The following FAM227B variants were observed in gnomAD, a reference collection of about 807,000 sequenced individuals.
The protein encoded by FAM227B is protein FAM227B.
In FAM227B, 88 loss-of-function variants were observed where a neutral mutation model predicts 73.8. That is an observed-to-expected ratio of 1.19 (90% CI 1.00 to 1.42). The LOEUF is 1.42. FAM227B is among the 40% of genes most tolerant of loss of function. The probability of loss-of-function intolerance (pLI) is 0.00; values close to 1 mark genes in which losing one functional copy is unlikely to be tolerated. For synonymous variants in FAM227B, 210 were observed against 190.5 expected (o/e 1.10, Z -0.84); for missense variants, 632 against 590.9 (o/e 1.07, Z -0.72).
intron 3 of FAM227B, among the ~76,000 whole-genome samples, chr15:49,605,297 C>T (rs1004368370): frequency 1.1e-4 from 16 of 152,136 alleles, no homozygotes; most frequent in African/African-American, 3.9e-4. Flanking sequence ...TTACCTGAGC[C>T]CACAGTGGCT....
rs1418316060 is a variant in FAM227B at position 49,586,675 on chromosome 15, TTAA to T, written c.405+1338_405+1340del. On this transcript the variant is annotated intron_variant, in intron 5 of 15. Coordinates refer to ENST00000299338, the MANE Select transcript of FAM227B (RefSeq NM_152647.3). Reference sequence around the variant, plus strand: ...GTCTAATATCCAACTCACACGGAACTTAATAAGAAAAAAGCACATAACCCCATT... The same window carrying T: ...GTCTAATATCCAACTCACACGGAACTTAAGAAAAAAGCACATAACCCCATT... Among the ~76,000 whole-genome samples, 5 of 151,654 alleles carry T rather than the reference TTAA, an allele frequency of 3.3e-5. No individual in the cohort carries two copies. In the East Asian group the frequency reaches 5.8e-4, roughly 18 times the overall value.
intron 11 of FAM227B, among the ~76,000 whole-genome samples, chr15:49,494,256 A>ACACACACACAC (rs1467706350): frequency 1.0e-4 from 14 of 140,606 alleles, no homozygotes; most frequent in African/African-American, 3.3e-4. Context: ...GAGACACACA[A>ACACACACACAC]ACACACACAC....
At chr15:49,354,352 G>A (rs1234795264) in intron 13 of FAM227B, among the ~76,000 whole-genome samples, 1 of 152,182 alleles carries the variant, frequency 6.6e-6, no homozygotes, top group East Asian at 1.9e-4. Context: ...ATCTCACTAG[G>A]GAGTGCCAGA....
chr15:49,458,301 T>C (rs2053499910), intron 11 of FAM227B, among the ~76,000 whole-genome samples: 1 of 152,002 alleles, frequency 6.6e-6, no homozygotes, highest in African/African-American at 2.4e-5. Context: ...ACGTGCCAAA[T>C]AGTACATTTA....
intron 8 of FAM227B, among the ~76,000 whole-genome samples, chr15:49,574,197 C>T (rs2075301514): frequency 6.6e-6 from 1 of 151,852 alleles, no homozygotes; most frequent in Non-Finnish European, 1.5e-5. Context: ...TTTTTTTAAA[C>T]ATTAAGGGTA....
chr15:49,609,938 T>C (rs1408233358), intron 3 of FAM227B, among the ~76,000 whole-genome samples: 3 of 151,936 alleles, frequency 2.0e-5, no homozygotes, highest in South Asian at 4.1e-4. Context: ...GCTATAAATA[T>C]AGCCTTTGAA....
intron 9 of FAM227B, among the ~76,000 whole-genome samples, chr15:49,557,099 T>A (rs889806475): frequency 6.6e-6 from 1 of 152,134 alleles, no homozygotes; most frequent in African/African-American, 2.4e-5. Flanking sequence ...TCTCCCTCCA[T>A]CCACTCTCAG....
At chr15:49,511,869 G>A (rs2059023616) in intron 10 of FAM227B, among the ~76,000 whole-genome samples, 1 of 152,076 alleles carries the variant, frequency 6.6e-6, no homozygotes, top group African/African-American at 2.4e-5. Context: ...GGGCATTTGG[G>A]TTGATTCTAT....
chr15:49,537,185 G>A (rs1363466905), intron 10 of FAM227B, among the ~76,000 whole-genome samples: 1 of 151,992 alleles, frequency 6.6e-6, no homozygotes, highest in African/African-American at 2.4e-5. Context: ...TCTATTAATT[G>A]TAATATCTAT....
chr15:49,501,250 G>A (rs1028117356), intron 11 of FAM227B, among the ~76,000 whole-genome samples: 2 of 152,206 alleles, frequency 1.3e-5, no homozygotes, highest in Non-Finnish European at 2.9e-5. Context: ...GAAGATGAGG[G>A]AAAGTTCAGA....
At chr15:49,348,797 T>C (rs988875439) in intron 13 of FAM227B, among the ~76,000 whole-genome samples, 1 of 152,240 alleles carries the variant, frequency 6.6e-6, no homozygotes, top group Non-Finnish European at 1.5e-5. Context: ...ACAATATTTA[T>C]AGCAAGAAGG....
chr15:49,535,043 A>T (rs1159781693), intron 10 of FAM227B, among the ~76,000 whole-genome samples: 1 of 151,812 alleles, frequency 6.6e-6, no homozygotes, highest in Non-Finnish European at 1.5e-5. Flanking sequence ...TAATAAGAGC[A>T]AATTAAAATC....
At chr15:49,590,127 T>G (rs918610183) in intron 3 of FAM227B, 120 bp from the exon 4 acceptor site, 15 of 602,340 alleles carry the variant, frequency 2.5e-5, no homozygotes, top group Non-Finnish European at 4.1e-5. Flanking sequence ...TTTTTATCAC[T>G]TTTTAAAAAT....
intron 11 of FAM227B, among the ~76,000 whole-genome samples, chr15:49,489,881 TATAGAGAGAG>T (rs1253911647): frequency 1.2e-4 from 2 of 16,458 alleles, no homozygotes; most frequent in Non-Finnish European, 3.0e-4. Context: ...TATATATATA[TATAGAGAGAG>T]AGAGAGAGAG....
intron 11 of FAM227B, among the ~76,000 whole-genome samples, chr15:49,457,612 C>G (rs1275581708): frequency 6.6e-6 from 1 of 151,874 alleles, no homozygotes; most frequent in Non-Finnish European, 1.5e-5. Context: ...TGAGTACAGA[C>G]TTGAAAAATG....
intron 10 of FAM227B, among the ~76,000 whole-genome samples, chr15:49,515,858 G>A (rs1218294023): frequency 6.6e-6 from 1 of 152,112 alleles, no homozygotes; most frequent in Admixed American, 6.6e-5. Flanking sequence ...ATAAACTGCT[G>A]ATATTTGTTA....
At chr15:49,360,964 ATCC>A (rs2044118594) in intron 13 of FAM227B, among the ~76,000 whole-genome samples, 1 of 152,156 alleles carries the variant, frequency 6.6e-6, no homozygotes, top group Non-Finnish European at 1.5e-5. Flanking sequence ...CAATAATGTC[ATCC>A]TCCCTCTTGT....
At chr15:49,555,037 C>T (rs2073498106) in intron 9 of FAM227B, among the ~76,000 whole-genome samples, 1 of 152,322 alleles carries the variant, frequency 6.6e-6, no homozygotes, top group East Asian at 1.9e-4. Flanking sequence ...TTCAACTTGT[C>T]ACTCTGTCCC....
chr15:49,609,888 A>G (rs577819353), intron 3 of FAM227B, among the ~76,000 whole-genome samples: 61 of 152,076 alleles, frequency 4.0e-4, no homozygotes, highest in African/African-American at 1.4e-3. Flanking sequence ...ATACAGATGG[A>G]TATGTTGTTT....
Sources: allele counts gnomAD v4.1 joint callset (sites outside exome capture counted in the v4.1 genomes callset), GRCh38; gene constraint gnomAD v4.1.1; transcripts MANE v1.5; gene names NCBI Gene and HGNC (gene_info 2026-07-23, HGNC 2026-07-21).